The following CDC42SE2 variants were observed in gnomAD, a reference collection of about 807,000 sequenced individuals.
The protein encoded by CDC42SE2 is CDC42 small effector 2.
Under a neutral mutation model 11.5 loss-of-function variants are expected in CDC42SE2, and 3 were observed. The ratio of observed to expected loss-of-function variants is 0.26; its 90% CI spans 0.12 to 0.67. The LOEUF (loss-of-function observed/expected upper bound fraction) is 0.67, where lower values mean the gene tolerates loss of function less well. Among genes scored for constraint, CDC42SE2 ranks in the 30% least tolerant of loss-of-function variants. CDC42SE2 has a pLI of 0.80. For synonymous variants in CDC42SE2, 33 were observed against 34.8 expected, an observed-to-expected ratio of 0.95 and a Z score of 0.18; for missense variants, 82 against 106.8, an observed-to-expected ratio of 0.77 and a Z score of 1.02.
chr5:131,255,874 T>C (rs868409508), intron 2 of CDC42SE2, among the ~76,000 whole-genome samples: 2 of 152,234 alleles, frequency 1.3e-5, no homozygotes, highest in Non-Finnish European at 2.9e-5. Flanking sequence ...ATTATTAAAT[T>C]TAATTCTTGC....
At chr5:131,300,921 C>A (rs879005219) in intron 1 of CDC42SE2, among the ~76,000 whole-genome samples, 4 of 152,072 alleles carry the variant, frequency 2.6e-5, no homozygotes, top group Admixed American at 6.6e-5. Context: ...TATGATATGT[C>A]AAGCATTGTA....
intron 1 of CDC42SE2, among the ~76,000 whole-genome samples, chr5:131,311,444 T>C (rs1757911548): frequency 2.0e-5 from 3 of 151,422 alleles, no homozygotes; most frequent in African/African-American, 7.3e-5. Flanking sequence ...TCTCAAGGAG[T>C]ATCTTTGTGG....
intron 4 of CDC42SE2, among the ~76,000 whole-genome samples, chr5:131,388,757 T>C (rs571440872): frequency 3.3e-5 from 5 of 152,352 alleles, no homozygotes; most frequent in African/African-American, 9.6e-5. Context: ...AATTGAAGAA[T>C]TGACTTTTGG....
In CDC42SE2 at chr5:131,340,415, G is replaced by T. The variant is rs554367166; in HGVS notation, c.-285-18794G>T. ...AGAAACATAATTTATGTAGAGTTTG[G>T]TAATATTTATGGTTTCAGGCATACA... is the stretch of plus-strand genomic sequence containing the variant. On this transcript the variant is annotated intron_variant, in intron 2 of 4. Coordinates refer to ENST00000505065, the MANE Select transcript of CDC42SE2 (RefSeq NM_001375635.1). 1.2e-4 allele frequency among the ~76,000 whole-genome samples: 18 copies of T among 152,186 alleles called. No homozygotes were observed. The South Asian group carries it at 3.7e-3, about 32-fold the overall frequency.
At chr5:131,376,366 G>A (rs993853959) in intron 3 of CDC42SE2, among the ~76,000 whole-genome samples, 1 of 152,184 alleles carries the variant, frequency 6.6e-6, no homozygotes, top group Non-Finnish European at 1.5e-5. Context: ...AAGGTAAAAT[G>A]TCATATACTG....
chr5:131,343,156 A>T (rs1195738169), intron 2 of CDC42SE2, among the ~76,000 whole-genome samples: 2 of 152,156 alleles, frequency 1.3e-5, no homozygotes, highest in East Asian at 3.8e-4. Flanking sequence ...CCACCCACCG[A>T]GAAGAGTAAC....
intron 2 of CDC42SE2, among the ~76,000 whole-genome samples, chr5:131,335,443 G>A (rs1383509790): frequency 1.3e-5 from 2 of 152,176 alleles, no homozygotes; most frequent in African/African-American, 4.8e-5. Flanking sequence ...TGTATATTCT[G>A]TTGATTTGGG....
intron 2 of CDC42SE2, among the ~76,000 whole-genome samples, chr5:131,340,558 C>T (rs759993664): frequency 3.9e-5 from 6 of 152,062 alleles, no homozygotes; most frequent in African/African-American, 1.2e-4. Flanking sequence ...ATTAGTAACT[C>T]GGCTGTAAGT....
intron 2 of CDC42SE2, among the ~76,000 whole-genome samples, chr5:131,336,198 TA>T (rs1242742671): frequency 1.3e-5 from 2 of 152,236 alleles, no homozygotes; most frequent in Admixed American, 6.5e-5. Flanking sequence ...TGCTTGTCTG[TA>T]AAGGATTTTA....
At chr5:131,302,450 A>G (rs1029719530) in intron 1 of CDC42SE2, among the ~76,000 whole-genome samples, 1 of 152,166 alleles carries the variant, frequency 6.6e-6, no homozygotes, top group Non-Finnish European at 1.5e-5. Flanking sequence ...AAGTGCCAGG[A>G]TTACAGGTGT....
At chr5:131,347,261 TAAAG>T (rs1440875473) in intron 2 of CDC42SE2, among the ~76,000 whole-genome samples, 11 of 151,456 alleles carry the variant, frequency 7.3e-5, no homozygotes, top group African/African-American at 2.2e-4. Flanking sequence ...GCAAGACTAA[TAAAG>T]AAGAAAAGAG....
intron 2 of CDC42SE2, among the ~76,000 whole-genome samples, chr5:131,258,473 T>C (rs1416025865): frequency 6.6e-6 from 1 of 152,182 alleles, no homozygotes; most frequent in East Asian, 1.9e-4. Flanking sequence ...AAGGCTCCCT[T>C]CCTCTTATCT....
At chr5:131,390,942 A>C in intron 4 of CDC42SE2, 51 bp from the exon 5 acceptor site, 1 of 1,189,700 alleles carries the variant, frequency 8.4e-7, no homozygotes, top group Non-Finnish European at 1.2e-6. Flanking sequence ...GTTGCACCGG[A>C]CCTACTTCCT....
chr5:131,277,285 A>G (rs567601324), intron 1 of CDC42SE2, among the ~76,000 whole-genome samples: 61 of 152,186 alleles, frequency 4.0e-4, no homozygotes, highest in Non-Finnish European at 6.6e-4. Context: ...TTTCAGCTGT[A>G]TTCATAGTTT....
chr5:131,241,789 GTGAAGTCTACCT>G (rs1305738830), upstream of CDC42SE2, among the ~76,000 whole-genome samples: 2 of 151,994 alleles, frequency 1.3e-5, no homozygotes, highest in Non-Finnish European at 2.9e-5. Context: ...CATCTTCTCA[GTGAAGTCTACCT>G]TGACCACCAC....
chr5:131,225,746 T>C, the CDC42SE2 span, among the ~76,000 whole-genome samples: 1 of 152,134 alleles, frequency 6.6e-6, no homozygotes, highest in Middle Eastern at 3.2e-3. Context: ...CTATCTCTCA[T>C]TGTTTCTAGA....
At chr5:131,326,126 ACGGAGTCT>A (rs1049867816) in intron 2 of CDC42SE2, among the ~76,000 whole-genome samples, 8 of 149,172 alleles carry the variant, frequency 5.4e-5, no homozygotes, top group Non-Finnish European at 1.2e-4. Flanking sequence ...TTTTTTTGAG[ACGGAGTCT>A]CGCTCTGTCC....
chr5:131,252,133 A>T (rs1334081468), intron 1 of CDC42SE2, among the ~76,000 whole-genome samples: 1 of 151,110 alleles, frequency 6.6e-6, no homozygotes, highest in African/African-American at 2.4e-5. Flanking sequence ...CTATAATTTC[A>T]GGTTCTCACA....
chr5:131,263,991 G>A (rs1204029014), upstream of CDC42SE2: 1 of 151,634 alleles, frequency 6.6e-6, no homozygotes, highest in African/African-American at 2.4e-5. Flanking sequence ...GCCGCTCTAG[G>A]GGCGCGCGCC....
Sources: allele counts gnomAD v4.1 joint callset (sites outside exome capture counted in the v4.1 genomes callset), GRCh38; gene constraint gnomAD v4.1.1; transcripts MANE v1.5; gene names NCBI Gene and HGNC (gene_info 2026-07-23, HGNC 2026-07-21).